DNAH11: variants seen among roughly 807,000 people sequenced by gnomAD.
DNAH11 encodes dynein axonemal heavy chain 11, also known as axonemal beta dynein heavy chain 11.
DNAH11 carries 442 observed loss-of-function variants against 526.0 expected under a neutral mutation model. The observed-to-expected ratio is 0.84, with a 90% confidence interval of 0.78 to 0.91. DNAH11 has a LOEUF of 0.91. Ranked by LOEUF, DNAH11 falls within the 40% of genes least tolerant of loss-of-function variation. DNAH11 has a pLI of 0.00. For synonymous variants in DNAH11, 2,461 were observed against 1,935.9 expected, an observed-to-expected ratio of 1.27 and a Z score of -7.12; for missense variants, 6,989 against 5,448.7, an observed-to-expected ratio of 1.28 and a Z score of -8.90.
intron 9 of DNAH11, among the ~76,000 whole-genome samples, chr7:21,584,399 A>T (rs1174325497): frequency 6.6e-6 from 1 of 152,102 alleles, no homozygotes; most frequent in Non-Finnish European, 1.5e-5. Flanking sequence ...GGACACAGAG[A>T]GGGGAACATC....
Position 21,884,363 on chromosome 7 carries a change from C to T in DNAH11, c.12460C>T (p.Arg4154Cys), listed in dbSNP as rs755743542. ...YGGHITDDWD[R>C]KLCRVYLEEF... is the part of the protein sequence containing the mutation. ...AGGCCACATCACAGATGACTGGGAT[C>T]GCAAACTGTGTCGGGTGTATTTAGA... The change falls in exon 76 of 82, where the codon CGC (arginine) becomes TGC (cysteine). Residue 4154 changes from arginine to cysteine, a missense_variant. By Grantham distance (180) the Arg-to-Cys change is radical. Coordinates refer to ENST00000409508, the MANE Select transcript of DNAH11 (RefSeq NM_001277115.2). 11 of 1,613,042 alleles carry T rather than the reference C, an allele frequency of 6.8e-6. No individual in the cohort carries two copies. Among genetic ancestry groups the T allele is most frequent in the South Asian group, 3.3e-5 (3 of 90,910 alleles).
rs1785065923 is a variant in DNAH11 at position 21,601,070 on chromosome 7, G to A, written c.3316G>A (p.Asp1106Asn). 1.2e-6 allele frequency: 2 copies of A among 1,611,868 alleles called. No individual in the cohort carries two copies. Among genetic ancestry groups the A allele is most frequent in the African/African-American group, 1.3e-5 (1 of 74,920 alleles). ...MSKFEDFRVF[D>N]SWFKVDMKPF... ...CAAATTTGAGGACTTTAGAGTGTTT[G>A]ATAGTTGGTTCAAGGTGGACATGAA... is the stretch of plus-strand genomic sequence containing the variant. Residue 1106 changes from aspartate (D) to asparagine (N), a missense_variant, in exon 17 of 82, where the codon GAT (aspartate) becomes AAT (asparagine). Coordinates refer to ENST00000409508, the MANE Select transcript of DNAH11 (RefSeq NM_001277115.2).
rs777191347 is a variant in DNAH11 at position 21,639,036 on chromosome 7, A to G, written c.4915A>G (p.Ile1639Val). 9.9e-6 allele frequency: 16 copies of G among 1,613,542 alleles called. No individual in the cohort carries two copies. The highest frequency in any genetic ancestry group is 1.4e-5 in the Non-Finnish European group (16 of 1,179,666). The change falls in exon 28 of 82, where the codon ATT (isoleucine) becomes GTT (valine). Residue 1639 changes from isoleucine to valine, a missense_variant. By Grantham distance (29) the Ile-to-Val change is conservative (BLOSUM62 3). Coordinates refer to ENST00000409508, the MANE Select transcript of DNAH11 (RefSeq NM_001277115.2). Reference sequence around the variant, plus strand: ...CGTCTCTTCTGCTGATTTACTTGACATTCTCTCAAAAGGAGCTCAGCCTAA... The same window carrying G: ...CGTCTCTTCTGCTGATTTACTTGACGTTCTCTCAAAAGGAGCTCAGCCTAA... ...YFVSSADLLDILSKGAQPKQV... is the reference protein window; with the variant it reads ...YFVSSADLLDVLSKGAQPKQV...
At chr7:21,735,590 GCACT>G (rs1326112688) in intron 45 of DNAH11, 46 bp from the exon 46 acceptor site, 7 of 1,508,270 alleles carry the variant, frequency 4.6e-6, no homozygotes, top group African/African-American at 1.4e-5. Context: ...TCTCTCGCAC[GCACT>G]CTCTCTCTCT....
At chr7:21,662,554 A>G (rs955147689) in intron 30 of DNAH11, among the ~76,000 whole-genome samples, 1 of 152,148 alleles carries the variant, frequency 6.6e-6, no homozygotes, top group African/African-American at 2.4e-5. Flanking sequence ...TGTATGTATG[A>G]TGGAATGGCT....
At chr7:21,778,264 T>C (rs1713338629) in intron 56 of DNAH11, among the ~76,000 whole-genome samples, 1 of 152,184 alleles carries the variant, frequency 6.6e-6, no homozygotes, top group Non-Finnish European at 1.5e-5. Context: ...AGTAAGGTTA[T>C]TTAGTGATGG....
chr7:21,844,006 C>A (rs879625539), intron 66 of DNAH11, among the ~76,000 whole-genome samples: 1 of 152,158 alleles, frequency 6.6e-6, no homozygotes, highest in Non-Finnish European at 1.5e-5. Flanking sequence ...CAACATTATT[C>A]ATATTTTGAA....
chr7:21,588,693 A>G lies in DNAH11; in HGVS notation c.1973+57A>G, dbSNP rs529938237. On this transcript the variant is annotated intron_variant, in intron 11 of 81. Transcript: ENST00000409508. Reference sequence around the variant, plus strand: ...ATTCTAATGGTACGGGTGACATTTTATATAAGAGAGTGAGCTGTTCATATT... The same window carrying G: ...ATTCTAATGGTACGGGTGACATTTTGTATAAGAGAGTGAGCTGTTCATATT... The G allele has an allele frequency of 1.2e-5, 19 of 1,576,776 alleles. No individual in the cohort carries two copies. In the African/African-American group the frequency reaches 1.9e-4, roughly 16 times the overall value.
chr7:21,876,148 G>T (rs1278446158), intron 74 of DNAH11, among the ~76,000 whole-genome samples: 1 of 152,164 alleles, frequency 6.6e-6, no homozygotes, highest in East Asian at 1.9e-4. Flanking sequence ...CATCCGAAGT[G>T]CTGGGATTAC....
chr7:21,873,454 A>G lies in DNAH11; in HGVS notation c.12148A>G (p.Thr4050Ala), dbSNP rs777873576. 2.5e-5 allele frequency: 40 copies of G among 1,613,838 alleles called. No individual in the cohort carries two copies. Among genetic ancestry groups the G allele is most frequent in the Non-Finnish European group, 3.3e-5 (39 of 1,179,874 alleles). The change falls in exon 74 of 82, where the codon ACA becomes GCA. Residue 4050 changes from threonine to alanine, a missense_variant. Coordinates refer to ENST00000409508, the MANE Select transcript of DNAH11 (RefSeq NM_001277115.2). ...NSIKITNEPP[T>A]GMLANLHAAL... is the part of the protein sequence containing the mutation. Reference sequence around the variant, plus strand: ...CATTAAGATCACTAATGAACCCCCAACAGGGATGCTGGCCAATTTGCATGC... The same window carrying G: ...CATTAAGATCACTAATGAACCCCCAGCAGGGATGCTGGCCAATTTGCATGC...
intron 61 of DNAH11, among the ~76,000 whole-genome samples, chr7:21,798,809 A>C (rs937215617): frequency 2.0e-5 from 3 of 152,222 alleles, no homozygotes; most frequent in African/African-American, 7.2e-5. Context: ...ATAAGTCATT[A>C]AAATTAGGTT....
At chr7:21,607,945 A>T (rs1785365747) in intron 20 of DNAH11, among the ~76,000 whole-genome samples, 1 of 150,190 alleles carries the variant, frequency 6.7e-6, no homozygotes, top group African/African-American at 2.5e-5. Flanking sequence ...TCAAAAAAAA[A>T]AAAAAAAAAA....
chr7:21,653,943 A>G (rs528119505), intron 28 of DNAH11, among the ~76,000 whole-genome samples: 1 of 152,304 alleles, frequency 6.6e-6, no homozygotes, highest in East Asian at 1.9e-4. Flanking sequence ...TATTGTTTCT[A>G]GAAGTTGCTG....
chr7:21,880,560 T>C, intron 74 of DNAH11, 142 bp from the exon 75 acceptor site: 3 of 788,066 alleles, frequency 3.8e-6, no homozygotes, highest in South Asian at 1.8e-5. Flanking sequence ...GTTAAGCTTC[T>C]CATTGGATAA....
chr7:21,692,724 C>T (rs57309975), intron 35 of DNAH11, among the ~76,000 whole-genome samples: 3,753 of 152,266 alleles, frequency 0.025, 111 homozygotes, highest in African/African-American at 0.071. Context: ...CAATTGTGTG[C>T]TTTGCTTATA....
chr7:21,834,252 C>G lies in DNAH11; in HGVS notation c.10692-8292C>G, dbSNP rs577381535. 1.7e-3 allele frequency among the ~76,000 whole-genome samples: 260 copies of G among 152,112 alleles called. 1 individual carries two copies. Among genetic ancestry groups the G allele is most frequent in the African/African-American group, 6.0e-3 (248 of 41,524 alleles). Reference sequence around the variant, plus strand: ...GGAGATTAAAAAATGTACTCCTAAACAACAAACGGGTCAAAAAGAAAAAGG... The same window carrying G: ...GGAGATTAAAAAATGTACTCCTAAAGAACAAACGGGTCAAAAAGAAAAAGG... On this transcript the variant is annotated intron_variant, in intron 65 of 81. Transcript: ENST00000409508.
chr7:21,879,537 T>C (rs1744077351), intron 74 of DNAH11, among the ~76,000 whole-genome samples: 4 of 152,070 alleles, frequency 2.6e-5, no homozygotes, highest in Non-Finnish European at 5.9e-5. Flanking sequence ...ATCCCAACAA[T>C]GAATTTTACT....
chr7:21,728,658 T>C (rs1481408278), intron 45 of DNAH11, among the ~76,000 whole-genome samples: 1 of 152,210 alleles, frequency 6.6e-6, no homozygotes. Flanking sequence ...TATCAGTTCA[T>C]TTCATGAATT....
At chr7:21,683,399 A>G (rs571796469) in intron 31 of DNAH11, among the ~76,000 whole-genome samples, 2 of 152,328 alleles carry the variant, frequency 1.3e-5, no homozygotes, top group Non-Finnish European at 2.9e-5. Flanking sequence ...AATGTAGTTT[A>G]TTTATGCCTC....
Sources: allele counts gnomAD v4.1 joint callset (sites outside exome capture counted in the v4.1 genomes callset), GRCh38; gene constraint gnomAD v4.1.1; transcripts MANE v1.5; gene names NCBI Gene and HGNC (gene_info 2026-07-23, HGNC 2026-07-21).